The following ANKRD6 variants were observed in gnomAD, a reference collection of about 807,000 sequenced individuals.
The protein encoded by ANKRD6 is ankyrin repeat domain-containing protein 6.
Under a neutral mutation model 82.3 loss-of-function variants are expected in ANKRD6, and 56 were observed. The observed-to-expected ratio is 0.68, with a 90% CI of 0.55 to 0.85. ANKRD6 has a LOEUF of 0.85. Among genes scored for constraint, ANKRD6 ranks in the 40% least tolerant of loss-of-function variants. The pLI, the probability that ANKRD6 is intolerant of heterozygous loss-of-function variation, is 0.00. For synonymous variants in ANKRD6, 347 were observed against 352.1 expected, an observed-to-expected ratio of 0.99 and a Z score of 0.16; for missense variants, 852 against 907.6, an observed-to-expected ratio of 0.94 and a Z score of 0.79.
chr6:89,455,404 G>A (rs1773383932), intron 1 of ANKRD6, among the ~76,000 whole-genome samples: 1 of 151,986 alleles, frequency 6.6e-6, no homozygotes, highest in Non-Finnish European at 1.5e-5. Context: ...CCAGAGTGGA[G>A]GAGGTGCCAT....
intron 2 of ANKRD6, among the ~76,000 whole-genome samples, chr6:89,579,145 T>C (rs1791852530): frequency 6.6e-6 from 1 of 152,224 alleles, no homozygotes; most frequent in Non-Finnish European, 1.5e-5. Context: ...GGTGCTCTGT[T>C]TCAAATGCCA....
chr6:89,617,955 C>T lies in ANKRD6; in HGVS notation c.716C>T (p.Ala239Val). The change falls in exon 9 of 16, where the codon GCA becomes GTA. Residue 239 changes from alanine to valine, a missense_variant and splice_region_variant. Ala to Val is a moderately conservative substitution (Grantham distance 64, BLOSUM62 0). Transcript: ENST00000339746. ...CTGTCCTACTCTGCCTCTCCTCAGG[C>T]AGGCCAGACTCCGCTGGAGACTGCC... ...AGADTTIVNN[A>V]GQTPLETARY... 6.2e-7 allele frequency: 1 copy of T among 1,613,966 alleles called. No homozygotes were observed. Among genetic ancestry groups the T allele is most frequent in the Non-Finnish European group, 8.5e-7 (1 of 1,179,876 alleles).
At chr6:89,624,490 T>C (rs1804903026) in intron 12 of ANKRD6, 49 bp from the exon 13 acceptor site, 1 of 1,544,560 alleles carries the variant, frequency 6.5e-7, no homozygotes. Context: ...AAAACATACC[T>C]GATGAAGGAA....
At chr6:89,565,636 T>TCA (rs1443116068) in intron 1 of ANKRD6, among the ~76,000 whole-genome samples, 1 of 152,218 alleles carries the variant, frequency 6.6e-6, no homozygotes, top group African/African-American at 2.4e-5. Context: ...TCCAGGGCTT[T>TCA]CCAGCCGTAT....
intron 2 of ANKRD6, among the ~76,000 whole-genome samples, chr6:89,574,035 A>G (rs991476368): frequency 2.0e-5 from 3 of 152,202 alleles, no homozygotes; most frequent in Non-Finnish European, 2.9e-5. Context: ...CATCACTGTG[A>G]CCTGGGTCAT....
chr6:89,466,526 A>G (rs1410687867), intron 1 of ANKRD6, among the ~76,000 whole-genome samples: 2 of 152,176 alleles, frequency 1.3e-5, no homozygotes, highest in African/African-American at 4.8e-5. Context: ...ATTTTATCTT[A>G]TCATTTTATT....
At chr6:89,466,026 C>T (rs1774806039) in intron 1 of ANKRD6, among the ~76,000 whole-genome samples, 1 of 152,122 alleles carries the variant, frequency 6.6e-6, no homozygotes, top group Non-Finnish European at 1.5e-5. Context: ...ATAATCCTCT[C>T]CAGTCTTTCT....
At position 89,614,853 on chromosome 6, in the gene ANKRD6, A is replaced by C. The variant is rs1409805531; in HGVS notation, c.615+963A>C. 5.5e-4 allele frequency among the ~76,000 whole-genome samples: 62 copies of C among 112,212 alleles called. 2 individuals carry two copies. The East Asian group carries it at 6.1e-3, about 11-fold the overall frequency. 73.6% of individuals were successfully genotyped at this position (112,212 alleles called of 152,430 possible). On this transcript the variant is annotated intron_variant, in intron 7 of 15. Coordinates refer to ENST00000339746, the MANE Select transcript of ANKRD6 (RefSeq NM_001242809.2). Reference sequence around the variant, plus strand: ...CTCTTTAAAGGAAAAAAAAAAAAACAAAAAAAAAAACCCACCAAGCAAGCA... The same window carrying C: ...CTCTTTAAAGGAAAAAAAAAAAAACCAAAAAAAAAACCCACCAAGCAAGCA...
At chr6:89,543,707 C>T (rs1191962043) in intron 1 of ANKRD6, among the ~76,000 whole-genome samples, 1 of 152,156 alleles carries the variant, frequency 6.6e-6, no homozygotes, top group Non-Finnish European at 1.5e-5. Context: ...AGACAGTAGA[C>T]TCTGAGACTG....
intron 1 of ANKRD6, among the ~76,000 whole-genome samples, chr6:89,543,522 G>A (rs955924895): frequency 2.6e-5 from 4 of 152,158 alleles, no homozygotes; most frequent in African/African-American, 4.8e-5. Flanking sequence ...GCTCAGACCC[G>A]TATCTAACAG....
At chr6:89,622,670 TC>T (rs1803918059) in intron 10 of ANKRD6, among the ~76,000 whole-genome samples, 1 of 152,196 alleles carries the variant, frequency 6.6e-6, no homozygotes, top group African/African-American at 2.4e-5. Context: ...CGAGCTGATT[TC>T]AGCTCCTCTT....
intron 10 of ANKRD6, among the ~76,000 whole-genome samples, chr6:89,622,430 C>T (rs1159711024): frequency 2.0e-5 from 3 of 152,310 alleles, no homozygotes; most frequent in South Asian, 4.1e-4. Context: ...TGGGCCTCAC[C>T]TCAAACCCAC....
At chr6:89,544,163 C>T (rs537931459) in intron 1 of ANKRD6, among the ~76,000 whole-genome samples, 1 of 152,310 alleles carries the variant, frequency 6.6e-6, no homozygotes, top group East Asian at 1.9e-4. Context: ...ACACTACATG[C>T]CCACTCTTGA....
rs183068382 is a variant in ANKRD6, at chr6:89,570,446, T to C, written c.120+3350T>C. Among the ~76,000 whole-genome samples, 578 of 152,342 alleles carry C rather than the reference T, an allele frequency of 3.8e-3. 4 individuals carry two copies. The highest frequency in any genetic ancestry group is 0.013 in the African/African-American group (554 of 41,584). On this transcript the variant is annotated intron_variant, in intron 2 of 15. Transcript: ENST00000339746. ...TTCAACCATTTTTAAATGTATAGTT[T>C]AGTGGCATTAAATACATTCACATTA... is the stretch of plus-strand genomic sequence containing the variant.
intron 5 of ANKRD6, among the ~76,000 whole-genome samples, chr6:89,609,681 G>A (rs1211672281): frequency 2.0e-5 from 3 of 151,804 alleles, no homozygotes; most frequent in Non-Finnish European, 4.4e-5. Context: ...GCGCGATCTC[G>A]GCTTGCTGAA....
rs534841744 is a variant in ANKRD6 at position 89,633,770 on chromosome 6, T to A, written c.*2766T>A. The A allele has an allele frequency of 2.0e-5, 3 of 152,306 alleles. No homozygotes were observed. The highest frequency in any genetic ancestry group is 7.2e-5 in the African/African-American group (3 of 41,562). The allele number at this position is 152,306 out of a possible 1,614,324, so 9.4% of individuals were successfully genotyped here. A position where few individuals can be genotyped will look rare whatever the true frequency, so the allele number is the denominator to read the frequency against. ...ATATTTTTATCACCTTGAATTTGTG[T>A]CTCTTCCAAGCATTAAAGATACTAT... On this transcript the variant is annotated 3_prime_UTR_variant, in exon 16 of 16. Coordinates refer to ENST00000339746, the MANE Select transcript of ANKRD6 (RefSeq NM_001242809.2).
At chr6:89,575,922 A>G (rs1002181274) in intron 2 of ANKRD6, among the ~76,000 whole-genome samples, 10 of 152,240 alleles carry the variant, frequency 6.6e-5, no homozygotes, top group African/African-American at 2.4e-4. Flanking sequence ...GTTGTCATGC[A>G]CAGAACATGT....
chr6:89,626,953 C>T (rs912374165), intron 13 of ANKRD6, among the ~76,000 whole-genome samples: 1 of 152,248 alleles, frequency 6.6e-6, no homozygotes, highest in Non-Finnish European at 1.5e-5. Flanking sequence ...TTGTAGGCAA[C>T]CACTAACATT....
chr6:89,502,419 G>A (rs1023023709), intron 1 of ANKRD6, among the ~76,000 whole-genome samples: 1 of 152,186 alleles, frequency 6.6e-6, no homozygotes, highest in African/African-American at 2.4e-5. Context: ...GCTGAAGCAG[G>A]TGGATCGCTT....
Sources: allele counts gnomAD v4.1 joint callset (sites outside exome capture counted in the v4.1 genomes callset), GRCh38; gene constraint gnomAD v4.1.1; transcripts MANE v1.5; gene names NCBI Gene and HGNC (gene_info 2026-07-23, HGNC 2026-07-21).